TEX36: variants seen among roughly 807,000 people sequenced by gnomAD.
TEX36 encodes the protein testis-expressed protein 36.
In TEX36, 12 loss-of-function variants were observed where a neutral mutation model predicts 13.6. That is an observed-to-expected ratio of 0.88 (90% CI 0.56 to 1.43). TEX36 has a LOEUF of 1.43. Among genes scored for constraint, TEX36 ranks in the 40% most tolerant of loss-of-function variants. The probability of loss-of-function intolerance (pLI) is 0.00; values close to 1 mark genes in which losing one functional copy is unlikely to be tolerated. For missense variants in TEX36, 224 were observed against 228.3 expected (o/e 0.98, Z 0.12); for synonymous variants, 93 against 83.0 (o/e 1.12, Z -0.65).
downstream of TEX36, among the ~76,000 whole-genome samples, chr10:125,655,173 G>A (rs941209873): frequency 1.4e-4 from 21 of 152,192 alleles, no homozygotes; most frequent in African/African-American, 4.6e-4. Context: ...GGCCAGGCGC[G>A]GTGGCTCATG....
chr10:125,577,768 T>C (rs543049060), intron 3 of TEX36, among the ~76,000 whole-genome samples: 1 of 152,354 alleles, frequency 6.6e-6, no homozygotes, highest in East Asian at 1.9e-4. Flanking sequence ...GTTATTTCCT[T>C]TGACTCTGTT....
chr10:125,682,921 G>T lies in TEX36; in HGVS notation c.51+18C>A. 6.4e-7 allele frequency: 1 copy of T among 1,551,680 alleles called. No individual in the cohort carries two copies. Among genetic ancestry groups the T allele is most frequent in the South Asian group, 1.2e-5 (1 of 84,060 alleles). On this transcript the variant is annotated intron_variant, in intron 1 of 3. Coordinates refer to ENST00000368821, the MANE Select transcript of TEX36 (RefSeq NM_001128202.3). ...CACGTGGCATGAGAAAGGCACCAGG[G>T]GCCACCATCTTCCTTACCCATCTCC...
intron 3 of TEX36, among the ~76,000 whole-genome samples, chr10:125,587,123 C>A (rs1256906135): frequency 1.3e-5 from 2 of 152,188 alleles, no homozygotes; most frequent in African/African-American, 2.4e-5. Flanking sequence ...CTGTACAGTT[C>A]ACAGAACTGT....
intron 1 of TEX36, among the ~76,000 whole-genome samples, chr10:125,672,067 CA>C (rs1459760858): frequency 6.6e-6 from 1 of 151,078 alleles, no homozygotes; most frequent in Non-Finnish European, 1.5e-5. Flanking sequence ...TTAATGTTTT[CA>C]AAAAAACCAC....
At chr10:125,655,160 G>A (rs1341997185), downstream of TEX36, among the ~76,000 whole-genome samples, 2 of 152,016 alleles carry the variant, frequency 1.3e-5, no homozygotes, top group African/African-American at 4.8e-5. Flanking sequence ...GAAAGCTGTA[G>A]AAGGCCAGGC....
At chr10:125,666,598 G>C (rs1847125836) in intron 1 of TEX36, among the ~76,000 whole-genome samples, 2 of 152,112 alleles carry the variant, frequency 1.3e-5, no homozygotes, top group South Asian at 4.1e-4. Context: ...CATTTAGTTT[G>C]CTGGTATTTT....
intron 1 of TEX36, among the ~76,000 whole-genome samples, chr10:125,681,322 T>C (rs1847388777): frequency 6.6e-6 from 1 of 152,250 alleles, no homozygotes; most frequent in Non-Finnish European, 1.5e-5. Context: ...AATCCCTATT[T>C]GGTTAAGACA....
intron 3 of TEX36, among the ~76,000 whole-genome samples, chr10:125,614,334 T>C (rs1846328818): frequency 6.6e-6 from 1 of 152,196 alleles, no homozygotes. Flanking sequence ...GCTTTTGGTG[T>C]TTTAGACATG....
intron 3 of TEX36, among the ~76,000 whole-genome samples, chr10:125,623,525 T>C (rs1273220190): frequency 1.3e-5 from 2 of 151,408 alleles, no homozygotes; most frequent in Non-Finnish European, 2.9e-5. Flanking sequence ...TTTAGTAATA[T>C]GTGTAACATG....
At chr10:125,666,302 TTA>T (rs1847120647) in intron 1 of TEX36, among the ~76,000 whole-genome samples, 1 of 152,232 alleles carries the variant, frequency 6.6e-6, no homozygotes, top group Non-Finnish European at 1.5e-5. Context: ...GCGTTCAACT[TTA>T]CTCCATTCAG....
chr10:125,624,130 T>A (rs184838685), intron 3 of TEX36, among the ~76,000 whole-genome samples: 1 of 152,384 alleles, frequency 6.6e-6, no homozygotes, highest in Non-Finnish European at 1.5e-5. Context: ...CAGTTGTGAA[T>A]TGTTACAGGC....
downstream of TEX36, among the ~76,000 whole-genome samples, chr10:125,618,542 G>T (rs1010098872): frequency 1.5e-4 from 23 of 151,922 alleles, no homozygotes; most frequent in African/African-American, 4.1e-4. Flanking sequence ...TGGAGTACCC[G>T]GCTGTGTGAG....
At chr10:125,660,918 G>A in intron 3 of TEX36, 103 bp downstream of exon 3, 1 of 987,650 alleles carries the variant, frequency 1.0e-6, no homozygotes, top group South Asian at 1.4e-5. Flanking sequence ...TTTTGACCTT[G>A]TTCCAGTTTT....
downstream of TEX36, among the ~76,000 whole-genome samples, chr10:125,618,998 C>T (rs1363440704): frequency 4.2e-5 from 6 of 141,594 alleles, no homozygotes; most frequent in South Asian, 2.3e-4. Context: ...AGAGTGGTGT[C>T]GGGTGCCTGT....
Position 125,682,335 on chromosome 10 carries a change from C to T in TEX36, c.51+604G>A, listed in dbSNP as rs528565929. Among the ~76,000 whole-genome samples, 11 of 152,158 alleles carry T rather than the reference C, an allele frequency of 7.2e-5. No individual in the cohort carries two copies. In the South Asian group the frequency reaches 1.2e-3, roughly 17 times the overall value. On this transcript the variant is annotated intron_variant, in intron 1 of 3. Coordinates refer to ENST00000368821, the MANE Select transcript of TEX36 (RefSeq NM_001128202.3). ...CAGAAGAGCAAGAGTTGGGGGAGAG[C>T]GTGAAGCTGGAAAGGGAAAGTTTTC... is the stretch of plus-strand genomic sequence containing the variant.
chr10:125,679,147 GC>G (rs1234159362), intron 1 of TEX36, among the ~76,000 whole-genome samples: 1,502 of 82,522 alleles, frequency 0.018, 160 homozygotes, highest in African/African-American at 0.073. Flanking sequence ...CACCCCCCCC[GC>G]CCCCGCCAAG....
chr10:125,626,059 G>T (rs1158599638), intron 3 of TEX36, among the ~76,000 whole-genome samples: 1 of 152,204 alleles, frequency 6.6e-6, no homozygotes, highest in Non-Finnish European at 1.5e-5. Flanking sequence ...ACCAGTGCAG[G>T]TGATAAAGGT....
chr10:125,673,710 CAAAAAAAAAA>C (rs3064205), intron 1 of TEX36, among the ~76,000 whole-genome samples: 1 of 68,434 alleles, frequency 1.5e-5, no homozygotes, highest in Non-Finnish European at 2.9e-5. Context: ...GACTCTCTCT[CAAAAAAAAAA>C]AAAAAAAAAA....
chr10:125,667,380 T>C, intron 1 of TEX36: 2 of 649,632 alleles, frequency 3.1e-6, no homozygotes. Context: ...TTAGGGGGGA[T>C]CTCAGGCTCC....
Sources: gnomAD v4.1 joint callset for allele counts (sites outside exome capture counted in the v4.1 genomes callset) on GRCh38, gnomAD v4.1.1 for gene constraint, MANE v1.5 for transcripts, NCBI Gene and HGNC (gene_info 2026-07-23, HGNC 2026-07-21) for gene names.